PCDHGA6: variants seen among roughly 807,000 people sequenced by gnomAD.
PCDHGA6 encodes protocadherin gamma-A6.
In PCDHGA6, 41 loss-of-function variants were observed where a neutral mutation model predicts 60.6. The ratio of observed to expected loss-of-function variants is 0.68; its 90% CI spans 0.53 to 0.88. The LOEUF is 0.88. Among genes scored for constraint, PCDHGA6 ranks in the 40% least tolerant of loss-of-function variants. PCDHGA6 has a pLI of 0.00. For synonymous variants in PCDHGA6, 594 were observed against 524.4 expected (o/e 1.13, Z -1.81); for missense variants, 1,312 against 1,203.0 (o/e 1.09, Z -1.34).
Position 141,485,087 on chromosome 5 carries a change from T to G in PCDHGA6, c.2425-9720T>G. The G allele has an allele frequency of 2.0e-6, 2 of 1,000,176 alleles. No homozygotes were observed. The highest frequency in any genetic ancestry group is 1.5e-6 in the Non-Finnish European group (1 of 651,808). 62.0% of individuals were successfully genotyped at this position (1,000,176 alleles called of 1,614,324 possible). A position where few individuals can be genotyped will look rare whatever the true frequency, so the allele number is the denominator to read the frequency against. The stretch of plus-strand genomic sequence containing the variant: ...CAGAGCTGGCGCGGGGAAAGGGAGA[T>G]AGGTGTCTCCAGCTGCTGTGGCTGT... On this transcript the variant is annotated intron_variant, in intron 1 of 3. Transcript: ENST00000517434. This position sits in a 1 kb window ranked among gnomAD's most constrained non-coding sequence, Gnocchi z 5.7.
At chr5:141,414,310 G>A in intron 1 of PCDHGA6, 1 of 1,613,722 alleles carries the variant, frequency 6.2e-7, no homozygotes, top group South Asian at 1.1e-5. Context: ...GCATGATTTA[G>A]ACTCTGAGCA....
At chr5:141,483,919 G>T (rs912152955) in intron 1 of PCDHGA6, among the ~76,000 whole-genome samples, 2 of 151,008 alleles carry the variant, frequency 1.3e-5, no homozygotes, top group South Asian at 2.1e-4. Flanking sequence ...CACTCAGATT[G>T]CAGGTCGTAG....
Position 141,431,205 on chromosome 5 carries a change from A to T in PCDHGA6, c.2424+54698A>T, listed in dbSNP as rs1438031040. ...AAAATTAGTGAAAATGCAGCCACTG[A>T]GATGCGGTTCCCTCTACCCCACGCC... On this transcript the variant is annotated intron_variant, in intron 1 of 3. Transcript: ENST00000517434. This position sits in a 1 kb window ranked among gnomAD's most constrained non-coding sequence, Gnocchi z 4.8. 1.1e-5 allele frequency: 18 copies of T among 1,614,092 alleles called. No homozygotes were observed. Among genetic ancestry groups the T allele is most frequent in the Non-Finnish European group, 1.5e-5 (18 of 1,180,056 alleles).
At chr5:141,409,571 T>A in intron 1 of PCDHGA6, 2 of 1,613,932 alleles carry the variant, frequency 1.2e-6, no homozygotes, top group Non-Finnish European at 1.7e-6. Context: ...CCAGACGTCC[T>A]ACGTGGTCCA....
chr5:141,375,310 T>C lies in PCDHGA6; in HGVS notation c.1227T>C (p.Ala409=). The change falls in exon 1 of 4, where the codon GCT becomes GCC. Residue 409 remains alanine (A), a synonymous_variant. Transcript: ENST00000517434. The stretch of plus-strand genomic sequence containing the variant: ...ATTATCGATTAGTGACAAATGCAGC[T>C]CTAGACCGGGAAGAGGTATTCTTGT... ...GNYYRLVTNA[A]LDREEVFLYN... 1 of 1,613,814 alleles carries C rather than the reference T, an allele frequency of 6.2e-7. No individual in the cohort carries two copies. Among genetic ancestry groups the C allele is most frequent in the Non-Finnish European group, 8.5e-7 (1 of 1,179,886 alleles).
chr5:141,384,464 A>G, intron 1 of PCDHGA6: 2 of 1,614,112 alleles, frequency 1.2e-6, no homozygotes, highest in Non-Finnish European at 1.7e-6. Context: ...TCCTTTGATT[A>G]TGAGCAGTTG....
chr5:141,481,151 G>A (rs1326614212), intron 1 of PCDHGA6, among the ~76,000 whole-genome samples: 1 of 152,198 alleles, frequency 6.6e-6, no homozygotes, highest in African/African-American at 2.4e-5. Context: ...TGTTATTCTG[G>A]TATTTGCAGA....
chr5:141,413,014 A>T, intron 1 of PCDHGA6: 1 of 663,842 alleles, frequency 1.5e-6, no homozygotes, highest in Non-Finnish European at 2.4e-6. Context: ...CTTCAACTAC[A>T]CAAGCCCCAC....
chr5:141,457,574 T>C (rs992522039), intron 1 of PCDHGA6, among the ~76,000 whole-genome samples: 2 of 152,238 alleles, frequency 1.3e-5, no homozygotes, highest in Non-Finnish European at 2.9e-5. Context: ...AAAATTTTTC[T>C]CTCCAGTCCT....
At chr5:141,440,887 G>C (rs1423303973) in intron 1 of PCDHGA6, 4 of 152,206 alleles carry the variant, frequency 2.6e-5, no homozygotes, top group Non-Finnish European at 5.9e-5. Context: ...TCGGCCTTCA[G>C]GAAGATGTGC....
intron 1 of PCDHGA6, among the ~76,000 whole-genome samples, chr5:141,484,597 A>C (rs1345278081): frequency 1.3e-5 from 2 of 152,070 alleles, no homozygotes; most frequent in African/African-American, 4.8e-5. Flanking sequence ...CTCATTTAGA[A>C]TACTGGTTGA....
At chr5:141,413,219 G>C in intron 1 of PCDHGA6, 1 of 1,613,506 alleles carries the variant, frequency 6.2e-7, no homozygotes, top group Non-Finnish European at 8.5e-7. Context: ...AAGGATTGCA[G>C]CGGGCTGGTC....
intron 1 of PCDHGA6, chr5:141,419,027 GTTCCAT>G: frequency 6.2e-7 from 1 of 1,613,870 alleles, no homozygotes; most frequent in Non-Finnish European, 8.5e-7. Context: ...AAGTAGAGGT[GTTCCAT>G]TTAAGATTCA....
chr5:141,481,509 T>C (rs2154578624), intron 1 of PCDHGA6, among the ~76,000 whole-genome samples: 2 of 152,326 alleles, frequency 1.3e-5, no homozygotes, highest in Middle Eastern at 3.4e-3. Context: ...GTATGTGAAT[T>C]ATGTCTCAGT....
intron 1 of PCDHGA6, among the ~76,000 whole-genome samples, chr5:141,448,614 A>G (rs985924011): frequency 1.3e-5 from 2 of 152,070 alleles, no homozygotes; most frequent in East Asian, 1.9e-4. Flanking sequence ...ACCACTTTAT[A>G]TCTTCCTTTC....
intron 1 of PCDHGA6, chr5:141,478,602 T>C (rs2099466537): frequency 6.4e-7 from 1 of 1,563,560 alleles, no homozygotes; most frequent in Admixed American, 1.9e-5. Context: ...TCCTACATCA[T>C]ATTGAGGAAG....
Position 141,476,855 on chromosome 5 carries a change from T to C in PCDHGA6, c.2425-17952T>C, listed in dbSNP as rs149491772. The C allele has an allele frequency of 3.2e-4, 519 of 1,613,836 alleles. 3 individuals carry two copies. The African/African-American group carries it at 6.2e-3, about 19-fold the overall frequency. Reference sequence around the variant, plus strand: ...TGACAATGCGCCTGTCTTCAACCAGTCCTTGTACCGGGCGCGCGTCCTGGA... The same window carrying C: ...TGACAATGCGCCTGTCTTCAACCAGCCCTTGTACCGGGCGCGCGTCCTGGA... On this transcript the variant is annotated intron_variant, in intron 1 of 3. Coordinates refer to ENST00000517434, the MANE Select transcript of PCDHGA6 (RefSeq NM_018919.3). This position sits in a 1 kb window ranked among gnomAD's most constrained non-coding sequence, Gnocchi z 7.6.
At position 141,419,268 on chromosome 5, in the gene PCDHGA6, C is replaced by T. The variant is rs1240259934; in HGVS notation, c.2424+42761C>T. 6.2e-6 allele frequency: 10 copies of T among 1,614,050 alleles called. No homozygotes were observed. The East Asian group carries it at 2.2e-4, about 36-fold the overall frequency. ...CCAGAAAACAACCAGCCGGGTGCCT[C>T]CATAGCGCAAGTCAGTGCCTCTGAC... is the stretch of plus-strand genomic sequence containing the variant. On this transcript the variant is annotated intron_variant, in intron 1 of 3. Transcript: ENST00000517434.
chr5:141,384,119 C>G, intron 1 of PCDHGA6: 5 of 1,608,930 alleles, frequency 3.1e-6, no homozygotes, highest in Non-Finnish European at 4.2e-6. Context: ...TTGGTCACAA[C>G]CAAAAACTTG....
Sources: gnomAD v4.1 joint callset for allele counts (sites outside exome capture counted in the v4.1 genomes callset) on GRCh38, gnomAD v4.1.1 for gene constraint, Gnocchi (gnomAD v3.1) non-coding constraint, MANE v1.5 for transcripts, NCBI Gene and HGNC (gene_info 2026-07-23, HGNC 2026-07-21) for gene names.